The following ARHGAP40 variants were observed in gnomAD, a reference collection of about 807,000 sequenced individuals.
ARHGAP40 encodes Rho GTPase activating protein 40.
ARHGAP40 carries 43 observed loss-of-function variants against 73.5 expected under a neutral mutation model. That is an observed-to-expected ratio of 0.58 (90% CI 0.46 to 0.75). The LOEUF is 0.75. ARHGAP40 is among the 30% of genes least tolerant of loss of function. The pLI is 0.00. For synonymous variants in ARHGAP40, 300 were observed against 352.8 expected (o/e 0.85, Z 1.68); for missense variants, 734 against 861.8 (o/e 0.85, Z 1.86).
intron 8 of ARHGAP40, 135 bp downstream of exon 8, chr20:38,638,973 A>G: frequency 1.1e-6 from 1 of 904,860 alleles, no homozygotes; most frequent in Non-Finnish European, 1.6e-6. Flanking sequence ...AGGGTTTGAG[A>G]GGCTGAAGGT....
At chr20:38,623,458 C>A (rs754390786) in exon 2 of ARHGAP40, 2 of 1,290,942 alleles carry the variant, frequency 1.5e-6, no homozygotes, top group South Asian at 2.5e-5. Context: ...GAGTGGAGAG[C>A]TCCAGCATGG....
At chr20:38,618,343 G>A (rs761277133) in intron 1 of ARHGAP40, among the ~76,000 whole-genome samples, 4 of 152,096 alleles carry the variant, frequency 2.6e-5, no homozygotes, top group Non-Finnish European at 5.9e-5. Flanking sequence ...TCCTGACCTT[G>A]TGATTCACCC....
intron 2 of ARHGAP40, 24 bp downstream of exon 2, chr20:38,623,582 A>T: frequency 7.9e-7 from 1 of 1,270,346 alleles, no homozygotes; most frequent in Non-Finnish European, 1.0e-6. Flanking sequence ...GCGGGGGCCT[A>T]TAGGGGTGGT....
intron 9 of ARHGAP40, among the ~76,000 whole-genome samples, chr20:38,639,834 A>G (rs1334186628): frequency 6.6e-6 from 1 of 152,236 alleles, no homozygotes; most frequent in African/African-American, 2.4e-5. Context: ...TAGTCTGCAT[A>G]TATATGTTCC....
intron 1 of ARHGAP40, among the ~76,000 whole-genome samples, chr20:38,605,993 CT>C (rs2088768884): frequency 6.6e-6 from 1 of 152,110 alleles, no homozygotes; most frequent in Non-Finnish European, 1.5e-5. Flanking sequence ...TCAAGTGATC[CT>C]GGGACCACAG....
At chr20:38,610,005 C>T (rs377565227) in intron 1 of ARHGAP40, among the ~76,000 whole-genome samples, 3 of 152,354 alleles carry the variant, frequency 2.0e-5, no homozygotes, top group Admixed American at 6.5e-5. Flanking sequence ...CCATGCCTCA[C>T]CCCTAGGCCA....
chr20:38,646,455 C>G lies in ARHGAP40; in HGVS notation c.1710+268C>G, dbSNP rs890062581. ...ACCGCCGCCCCATTTTTCGGCAGCC[C>G]CTGGCCGAGGGTTGGGAAAATGGGA... On this transcript the variant is annotated intron_variant, in intron 12 of 14. Transcript: ENST00000373345. This position sits in a 1 kb window ranked among gnomAD's most constrained non-coding sequence, Gnocchi z 4.5. 6.6e-6 allele frequency among the ~76,000 whole-genome samples: 1 copy of G among 152,122 alleles called. No homozygotes were observed. The highest frequency in any genetic ancestry group is 1.5e-5 in the Non-Finnish European group (1 of 68,006).
chr20:38,630,498 G>A (rs1006133204), intron 5 of ARHGAP40, among the ~76,000 whole-genome samples: 1 of 152,108 alleles, frequency 6.6e-6, no homozygotes, highest in Non-Finnish European at 1.5e-5. Flanking sequence ...TGGGATTACA[G>A]GTGTGAGCCA....
At chr20:38,642,600 T>TCCTTTCTTCCTC (rs1380683259) in intron 10 of ARHGAP40, among the ~76,000 whole-genome samples, 1 of 151,434 alleles carries the variant, frequency 6.6e-6, no homozygotes, top group Non-Finnish European at 1.5e-5. Context: ...CTCTCTCCCT[T>TCCTTTCTTCCTC]CCTTTCTTCC....
chr20:38,639,396 C>T lies in ARHGAP40; in HGVS notation c.1279+10C>T. The T allele has an allele frequency of 7.7e-7, 1 of 1,305,210 alleles. No individual in the cohort carries two copies. The highest frequency in any genetic ancestry group is 1.0e-6 in the Non-Finnish European group (1 of 988,788). 80.9% of individuals were successfully genotyped at this position (1,305,210 alleles called of 1,614,324 possible). Reference sequence around the variant, plus strand: ...TTCGCCGTGGTGCCTAGTGAGTGTGCCCAAGCCCTTAGCCTGTGCAGGGAT... The same window carrying T: ...TTCGCCGTGGTGCCTAGTGAGTGTGTCCAAGCCCTTAGCCTGTGCAGGGAT... On this transcript the variant is annotated intron_variant, in intron 9 of 14. Transcript: ENST00000373345.
At chr20:38,621,948 A>G (rs1462707054) in intron 1 of ARHGAP40, among the ~76,000 whole-genome samples, 1 of 152,092 alleles carries the variant, frequency 6.6e-6, no homozygotes, top group Non-Finnish European at 1.5e-5. Flanking sequence ...CCAGCTACTC[A>G]GGAGTCTGAG....
chr20:38,619,701 G>A (rs1482502522), intron 1 of ARHGAP40, among the ~76,000 whole-genome samples: 1 of 149,294 alleles, frequency 6.7e-6, no homozygotes, highest in African/African-American at 2.5e-5. Context: ...TTGCCAATGG[G>A]ACAAGTCTTG....
chr20:38,634,933 G>A (rs1218153942), intron 6 of ARHGAP40, 148 bp downstream of exon 6: 69 of 910,312 alleles, frequency 7.6e-5, no homozygotes, highest in Non-Finnish European at 8.7e-5. Context: ...CCAGGCTGGA[G>A]TGCAGTGATG....
At chr20:38,642,408 G>A (rs556432993) in intron 10 of ARHGAP40, among the ~76,000 whole-genome samples, 3 of 152,300 alleles carry the variant, frequency 2.0e-5, no homozygotes, top group East Asian at 3.9e-4. Flanking sequence ...AGGAGGCCCC[G>A]GGTCTTCCTG....
chr20:38,646,234 G>A lies in ARHGAP40; in HGVS notation c.1710+47G>A. The A allele has an allele frequency of 8.0e-7, 1 of 1,255,358 alleles. No homozygotes were observed. The allele number at this position is 1,255,358 out of a possible 1,614,324, so 77.8% of individuals were successfully genotyped here. The stretch of plus-strand genomic sequence containing the variant: ...CAGGTGGAGAAGGGCCGAGGCGACA[G>A]GAGGGCACCTGGGGCGCGGTGCTTC... On this transcript the variant is annotated intron_variant, in intron 12 of 14. Transcript: ENST00000373345. This position sits in a 1 kb window ranked among gnomAD's most constrained non-coding sequence, Gnocchi z 4.5.
chr20:38,647,668 C>T (rs1161840694), intron 13 of ARHGAP40, among the ~76,000 whole-genome samples: 1 of 152,204 alleles, frequency 6.6e-6, no homozygotes, highest in East Asian at 1.9e-4. Context: ...GCTGGGATTA[C>T]AGGCGTGAGC....
chr20:38,627,035 G>A (rs1443647293), exon 3 of ARHGAP40: 2 of 1,305,064 alleles, frequency 1.5e-6, no homozygotes, highest in Admixed American at 2.3e-5. Flanking sequence ...ACACAGGCCT[G>A]TCGGGCCTCC....
At chr20:38,643,090 G>A (rs1238049829) in intron 10 of ARHGAP40, among the ~76,000 whole-genome samples, 3 of 151,392 alleles carry the variant, frequency 2.0e-5, no homozygotes, top group Non-Finnish European at 2.9e-5. Context: ...GCAGTGAGCT[G>A]AGCCAAGATC....
intron 6 of ARHGAP40, among the ~76,000 whole-genome samples, chr20:38,634,994 G>T (rs577610970): frequency 6.7e-6 from 1 of 149,784 alleles, no homozygotes; most frequent in East Asian, 2.0e-4. Flanking sequence ...CAATTCTTTT[G>T]CCTCAGCCAC....
Sources: allele counts gnomAD v4.1 joint callset (sites outside exome capture counted in the v4.1 genomes callset), GRCh38; gene constraint gnomAD v4.1.1; non-coding constraint Gnocchi (gnomAD v3.1); transcripts MANE v1.5; gene names NCBI Gene and HGNC (gene_info 2026-07-23, HGNC 2026-07-21).